Variants in RHOJ observed in about 807,000 individuals in gnomAD.
The protein encoded by RHOJ is rho-related GTP-binding protein RhoJ.
Under a neutral mutation model 23.4 loss-of-function variants are expected in RHOJ, and 11 were observed. That is an observed-to-expected ratio of 0.47 (90% CI 0.30 to 0.78). The LOEUF (loss-of-function observed/expected upper bound fraction) is 0.78, where lower values mean the gene tolerates loss of function less well. Ranked by LOEUF, RHOJ falls within the 30% of genes least tolerant of loss-of-function variation. The probability of loss-of-function intolerance (pLI) is 0.08; values close to 1 mark genes in which losing one functional copy is unlikely to be tolerated. For missense variants in RHOJ, 254 were observed against 273.4 expected (o/e 0.93, Z 0.50); for synonymous variants, 102 against 102.7 (o/e 0.99, Z 0.04).
chr14:63,204,769 G>GTA lies in RHOJ; in HGVS notation c.-100_-99dup. The GTA allele has an allele frequency of 8.1e-7, 1 of 1,232,016 alleles. No homozygotes were observed. Among genetic ancestry groups the GTA allele is most frequent in the South Asian group, 1.4e-5 (1 of 73,446 alleles). The allele number at this position is 1,232,016 out of a possible 1,614,324, so 76.3% of individuals were successfully genotyped here. A position where few individuals can be genotyped will look rare whatever the true frequency, so the allele number is the denominator to read the frequency against. Reference sequence around the variant, plus strand: ...TCCAAGGTACCCAAAGTCAGACAGAGTAAACTCAAGCCTGGCACTGGCTTT... The same window carrying GTA: ...TCCAAGGTACCCAAAGTCAGACAGAGTATAAACTCAAGCCTGGCACTGGCTTT... On this transcript the variant is annotated 5_prime_UTR_variant, in exon 1 of 5. An upstream open reading frame in the 5' UTR loses its in-frame stop. Transcript: ENST00000316754.
intron 1 of RHOJ, among the ~76,000 whole-genome samples, chr14:63,256,083 T>A (rs1895160160): frequency 1.3e-5 from 2 of 152,046 alleles, no homozygotes; most frequent in Admixed American, 6.6e-5. Context: ...AGACAAGGTC[T>A]TGCTAGTTGC....
At chr14:63,242,085 A>G (rs1894893108) in intron 1 of RHOJ, among the ~76,000 whole-genome samples, 1 of 152,214 alleles carries the variant, frequency 6.6e-6, no homozygotes, top group Non-Finnish European at 1.5e-5. Context: ...ATTCTACCTC[A>G]TAATATTGCC....
At chr14:63,221,304 G>A (rs1281692191) in intron 1 of RHOJ, among the ~76,000 whole-genome samples, 2 of 152,098 alleles carry the variant, frequency 1.3e-5, no homozygotes, top group Admixed American at 6.5e-5. Flanking sequence ...AACTGAGCTT[G>A]GGCAAAAGAG....
chr14:63,261,369 A>G (rs1895268953), intron 1 of RHOJ, among the ~76,000 whole-genome samples: 1 of 152,006 alleles, frequency 6.6e-6, no homozygotes, highest in African/African-American at 2.4e-5. Flanking sequence ...TATCTTTTCT[A>G]TAGGACAGTA....
chr14:63,255,856 C>CT (rs140771576), intron 1 of RHOJ, among the ~76,000 whole-genome samples: 14,525 of 148,752 alleles, frequency 0.098, 877 homozygotes, highest in East Asian at 0.31. Flanking sequence ...CACCTTTATC[C>CT]TTTTTTTTTT....
At chr14:63,235,443 T>C (rs1463469278) in intron 1 of RHOJ, among the ~76,000 whole-genome samples, 1 of 152,162 alleles carries the variant, frequency 6.6e-6, no homozygotes, top group East Asian at 1.9e-4. Flanking sequence ...AAGAGAGTGC[T>C]CTTATTCTTA....
intron 1 of RHOJ, among the ~76,000 whole-genome samples, chr14:63,219,363 A>C (rs1238147673): frequency 6.6e-6 from 1 of 152,146 alleles, no homozygotes; most frequent in African/African-American, 2.4e-5. Flanking sequence ...GTATCTGATA[A>C]TGGTGACTTC....
chr14:63,224,856 C>G (rs1894560253), intron 1 of RHOJ, among the ~76,000 whole-genome samples: 1 of 152,200 alleles, frequency 6.6e-6, no homozygotes, highest in Non-Finnish European at 1.5e-5. Context: ...CCCCTCGACC[C>G]CATCTCAATT....
chr14:63,279,559 A>T (rs1243925408), intron 2 of RHOJ, among the ~76,000 whole-genome samples: 4 of 152,238 alleles, frequency 2.6e-5, no homozygotes, highest in African/African-American at 9.6e-5. Flanking sequence ...ACATTTTCCC[A>T]AAGTCGAAAT....
Position 63,291,287 on chromosome 14 carries a change from T to C in RHOJ, c.*263T>C. On this transcript the variant is annotated 3_prime_UTR_variant, in exon 5 of 5. Coordinates refer to ENST00000316754, the MANE Select transcript of RHOJ (RefSeq NM_020663.5). ...GCAGACAGTGCCGCTGCTGATCGCA[T>C]CAAAAACAAAGTCAAAGGCCATCTC... is the stretch of plus-strand genomic sequence containing the variant. 2.1e-6 allele frequency: 1 copy of C among 479,064 alleles called. No individual in the cohort carries two copies. Among genetic ancestry groups the C allele is most frequent in the Non-Finnish European group, 3.8e-6 (1 of 261,838 alleles). The allele number at this position is 479,064 out of a possible 1,614,324, so 29.7% of individuals were successfully genotyped here. A position where few individuals can be genotyped will look rare whatever the true frequency, so the allele number is the denominator to read the frequency against.
At chr14:63,254,509 G>A (rs1442683108) in intron 1 of RHOJ, among the ~76,000 whole-genome samples, 1 of 152,168 alleles carries the variant, frequency 6.6e-6, no homozygotes, top group Non-Finnish European at 1.5e-5. Context: ...TACTTGCAAG[G>A]CACGGTGCTG....
At chr14:63,223,569 T>G (rs1894537742) in intron 1 of RHOJ, among the ~76,000 whole-genome samples, 1 of 152,140 alleles carries the variant, frequency 6.6e-6, no homozygotes, top group African/African-American at 2.4e-5. Flanking sequence ...CATACCTATC[T>G]CATTAGTTCA....
intron 2 of RHOJ, among the ~76,000 whole-genome samples, chr14:63,275,666 G>A (rs534363293): frequency 6.6e-6 from 1 of 152,174 alleles, no homozygotes; most frequent in Admixed American, 6.5e-5. Context: ...TACCTCCAAA[G>A]CCCCATTTGA....
chr14:63,254,128 G>C (rs904759209), intron 1 of RHOJ, among the ~76,000 whole-genome samples: 1 of 152,170 alleles, frequency 6.6e-6, no homozygotes, highest in Non-Finnish European at 1.5e-5. Flanking sequence ...ACACAGGACC[G>C]GATCAGCATT....
intron 2 of RHOJ, among the ~76,000 whole-genome samples, chr14:63,274,923 C>T (rs559513192): frequency 6.6e-6 from 1 of 152,254 alleles, no homozygotes; most frequent in East Asian, 1.9e-4. Flanking sequence ...AGATAAATGT[C>T]ATTAAACCCA....
chr14:63,292,373 A>G lies in RHOJ; in HGVS notation c.*1349A>G, dbSNP rs1034724883. On this transcript the variant is annotated 3_prime_UTR_variant, in exon 5 of 5. Coordinates refer to ENST00000316754, the MANE Select transcript of RHOJ (RefSeq NM_020663.5). ...CTCCCAGTAAGGAATCCTGTGCCCA[A>G]TGATGTAAAACAATTCCAAACATCC... is the stretch of plus-strand genomic sequence containing the variant. 1.3e-5 allele frequency: 2 copies of G among 152,326 alleles called. No individual in the cohort carries two copies. Among genetic ancestry groups the G allele is most frequent in the Admixed American group, 6.5e-5 (1 of 15,308 alleles). 9.4% of individuals were successfully genotyped at this position (152,326 alleles called of 1,614,324 possible). A position where few individuals can be genotyped will look rare whatever the true frequency, so the allele number is the denominator to read the frequency against.
At chr14:63,207,105 C>T (rs562924498) in intron 1 of RHOJ, among the ~76,000 whole-genome samples, 5 of 151,030 alleles carry the variant, frequency 3.3e-5, no homozygotes, top group Non-Finnish European at 7.4e-5. Context: ...GATCTCGGCT[C>T]ACTGCAACTT....
At chr14:63,209,255 C>T (rs1211944957) in intron 1 of RHOJ, among the ~76,000 whole-genome samples, 1 of 152,162 alleles carries the variant, frequency 6.6e-6, no homozygotes, top group Non-Finnish European at 1.5e-5. Flanking sequence ...GGGACTGTCC[C>T]AAACCCCAAC....
intron 1 of RHOJ, among the ~76,000 whole-genome samples, chr14:63,258,876 G>T (rs1377853542): frequency 1.3e-5 from 2 of 152,214 alleles, no homozygotes; most frequent in Admixed American, 1.3e-4. Flanking sequence ...GTGTTTCCTT[G>T]TATGTGAAGC....
Sources: gnomAD v4.1 joint callset for allele counts (sites outside exome capture counted in the v4.1 genomes callset) on GRCh38, gnomAD v4.1.1 for gene constraint, MANE v1.5 for transcripts, NCBI Gene and HGNC (gene_info 2026-07-23, HGNC 2026-07-21) for gene names.